Variants in ELAPOR2 observed in about 807,000 individuals in gnomAD.
The protein encoded by ELAPOR2 is endosome/lysosome-associated apoptosis and autophagy regulator family member 2.
In ELAPOR2, 89 loss-of-function variants were observed where a neutral mutation model predicts 120.7. The observed-to-expected ratio is 0.74, with a 90% CI of 0.62 to 0.88. ELAPOR2 has a LOEUF of 0.88. ELAPOR2 is among the 40% of genes least tolerant of loss of function. The pLI, the probability that ELAPOR2 is intolerant of heterozygous loss-of-function variation, is 0.00. For missense variants in ELAPOR2, 1,134 were observed against 1,251.6 expected, an observed-to-expected ratio of 0.91 and a Z score of 1.42; for synonymous variants, 444 against 444.9, an observed-to-expected ratio of 1.00 and a Z score of 0.03.
chr7:86,946,174 C>CAT (rs1228368500), intron 3 of ELAPOR2, among the ~76,000 whole-genome samples: 1 of 151,964 alleles, frequency 6.6e-6, no homozygotes, highest in Non-Finnish European at 1.5e-5. Flanking sequence ...CACACACACA[C>CAT]ACACACACAC....
chr7:86,989,304 C>T (rs1431306399), intron 1 of ELAPOR2, among the ~76,000 whole-genome samples: 2 of 152,140 alleles, frequency 1.3e-5, no homozygotes, highest in African/African-American at 4.8e-5. Flanking sequence ...ATACAAAATA[C>T]GTGCATATTT....
rs765086706 is a variant in ELAPOR2 at position 86,907,823 on chromosome 7, A to G, written c.2457-52T>C. On this transcript the variant is annotated intron_variant, in intron 17 of 21. Coordinates refer to ENST00000450689, the MANE Select transcript of ELAPOR2 (RefSeq NM_001142749.3). ...AAAAACAGATATAATACAGATTACA[A>G]AGACAAAAATATGGGAATAATTGCT... 11 of 1,021,758 alleles carry G rather than the reference A, an allele frequency of 1.1e-5. No homozygotes were observed. The South Asian group carries it at 2.2e-4, about 21-fold the overall frequency. 63.3% of individuals were successfully genotyped at this position (1,021,758 alleles called of 1,614,324 possible).
At chr7:86,937,224 T>C (rs1790597237) in intron 8 of ELAPOR2, among the ~76,000 whole-genome samples, 1 of 152,086 alleles carries the variant, frequency 6.6e-6, no homozygotes, top group Admixed American at 6.6e-5. Flanking sequence ...TAGAATGTAC[T>C]TGCTCTTAAC....
At chr7:86,972,298 A>G (rs1792131234) in intron 1 of ELAPOR2, among the ~76,000 whole-genome samples, 1 of 152,108 alleles carries the variant, frequency 6.6e-6, no homozygotes, top group South Asian at 2.1e-4. Context: ...TCAATCCTTC[A>G]TTTGCACAAA....
chr7:87,056,433 T>G (rs1795265042), intron 1 of ELAPOR2, among the ~76,000 whole-genome samples: 1 of 152,252 alleles, frequency 6.6e-6, no homozygotes, highest in South Asian at 2.1e-4. Context: ...TTATTTCCTT[T>G]GAATACCATT....
chr7:86,942,157 T>C, intron 4 of ELAPOR2, 53 bp from the exon 5 acceptor site: 1 of 1,032,118 alleles, frequency 9.7e-7, no homozygotes, highest in East Asian at 2.6e-5. Flanking sequence ...ACAGCTTTAA[T>C]TAAATTCTGT....
At chr7:86,908,150 T>TACACACACAC (rs144805388) in intron 17 of ELAPOR2, among the ~76,000 whole-genome samples, 2 of 144,266 alleles carry the variant, frequency 1.4e-5, no homozygotes, top group African/African-American at 2.5e-5. Context: ...TGTAAGTGAA[T>TACACACACAC]ACACACACAC....
chr7:86,957,593 A>G (rs987851537), intron 2 of ELAPOR2, among the ~76,000 whole-genome samples: 6 of 152,132 alleles, frequency 3.9e-5, no homozygotes, highest in Admixed American at 1.3e-4. Context: ...AAGTATGGGG[A>G]AAAAAAACAA....
chr7:87,007,819 A>G (rs1793531979), intron 1 of ELAPOR2, among the ~76,000 whole-genome samples: 2 of 152,206 alleles, frequency 1.3e-5, no homozygotes, highest in South Asian at 4.1e-4. Context: ...GTGCATCAAA[A>G]TAAGTAATCA....
chr7:86,971,619 C>T (rs1583927387), intron 1 of ELAPOR2, among the ~76,000 whole-genome samples: 1 of 152,084 alleles, frequency 6.6e-6, no homozygotes, highest in East Asian at 1.9e-4. Context: ...TCCTCACCAA[C>T]CTGCAAAAGA....
intron 1 of ELAPOR2, among the ~76,000 whole-genome samples, chr7:86,990,508 C>A (rs527832731): frequency 1.8e-4 from 27 of 152,240 alleles, no homozygotes; most frequent in African/African-American, 5.8e-4. Flanking sequence ...CCTTCCCAGC[C>A]TCCATGATTG....
chr7:87,002,209 C>T (rs1793339617), intron 1 of ELAPOR2, among the ~76,000 whole-genome samples: 2 of 152,176 alleles, frequency 1.3e-5, no homozygotes, highest in South Asian at 4.1e-4. Flanking sequence ...TTTAAAGTCA[C>T]GGTACCCCTC....
At chr7:86,979,506 C>T (rs1437390349) in intron 1 of ELAPOR2, among the ~76,000 whole-genome samples, 4 of 152,162 alleles carry the variant, frequency 2.6e-5, no homozygotes, top group Non-Finnish European at 5.9e-5. Context: ...AAATGAGACA[C>T]CAGTCCAGCC....
intron 9 of ELAPOR2, among the ~76,000 whole-genome samples, chr7:86,926,399 C>T (rs1230479712): frequency 6.6e-6 from 1 of 151,942 alleles, no homozygotes; most frequent in Admixed American, 6.6e-5. Context: ...TATCCACCAT[C>T]CTACAGACAA....
intron 1 of ELAPOR2, among the ~76,000 whole-genome samples, chr7:87,039,857 A>G (rs894571212): frequency 6.6e-6 from 1 of 151,932 alleles, no homozygotes; most frequent in Non-Finnish European, 1.5e-5. Context: ...CATCTGAGGT[A>G]CCGGGTTCAT....
intron 2 of ELAPOR2, among the ~76,000 whole-genome samples, chr7:86,953,409 G>C (rs1791347395): frequency 6.6e-6 from 1 of 152,162 alleles, no homozygotes; most frequent in South Asian, 2.1e-4. Flanking sequence ...AACAGAGTTA[G>C]CACTGCTGAC....
Position 86,877,123 on chromosome 7 carries a change from T to C in ELAPOR2, c.*3348A>G, listed in dbSNP as rs1442612946. 6.6e-6 allele frequency: 1 copy of C among 152,172 alleles called. No homozygotes were observed. The highest frequency in any genetic ancestry group is 1.5e-5 in the Non-Finnish European group (1 of 68,016). The allele number at this position is 152,172 out of a possible 1,614,324, so 9.4% of individuals were successfully genotyped here. A position where few individuals can be genotyped will look rare whatever the true frequency, so the allele number is the denominator to read the frequency against. On this transcript the variant is annotated 3_prime_UTR_variant, in exon 22 of 22. Transcript: ENST00000450689. ...AGTGTAATCATAATAGCGAATAATA[T>C]CAATTATAATAGTAAATATAATTCT...
chr7:86,881,131 A>T (rs1251955961), intron 21 of ELAPOR2, among the ~76,000 whole-genome samples: 2 of 152,212 alleles, frequency 1.3e-5, no homozygotes, highest in Non-Finnish European at 2.9e-5. Flanking sequence ...TTCAAAATGT[A>T]GACTATTAAA....
intron 21 of ELAPOR2, among the ~76,000 whole-genome samples, chr7:86,883,496 G>A (rs936173001): frequency 8.5e-5 from 13 of 152,142 alleles, no homozygotes; most frequent in African/African-American, 3.1e-4. Flanking sequence ...AATAGCACAG[G>A]TATCAATCAA....
Sources: gnomAD v4.1 joint callset for allele counts (sites outside exome capture counted in the v4.1 genomes callset) on GRCh38, gnomAD v4.1.1 for gene constraint, MANE v1.5 for transcripts, NCBI Gene and HGNC (gene_info 2026-07-23, HGNC 2026-07-21) for gene names.